Variants in STK33 observed in about 807,000 individuals in gnomAD.
STK33 encodes the protein serine/threonine-protein kinase 33.
Under a neutral mutation model 58.0 loss-of-function variants are expected in STK33, and 52 were observed. The ratio of observed to expected loss-of-function variants is 0.90; its 90% CI spans 0.72 to 1.13. The LOEUF (loss-of-function observed/expected upper bound fraction) is 1.13, where lower values mean the gene tolerates loss of function less well. Among genes scored for constraint, STK33 ranks in the 50% most tolerant of loss-of-function variants. STK33 has a pLI of 0.00. For synonymous variants in STK33, 215 were observed against 200.1 expected, an observed-to-expected ratio of 1.07 and a Z score of -0.63; for missense variants, 630 against 604.2, an observed-to-expected ratio of 1.04 and a Z score of -0.45.
At chr11:8,388,427 A>G (rs756958904), downstream of STK33, among the ~76,000 whole-genome samples, 16 of 152,290 alleles carry the variant, frequency 1.1e-4, no homozygotes, top group Non-Finnish European at 2.4e-4. Flanking sequence ...TGGCTCACCA[A>G]TGAGAATTAA....
chr11:8,383,300 G>A, the STK33 span, among the ~76,000 whole-genome samples: 1 of 152,210 alleles, frequency 6.6e-6, no homozygotes, highest in Non-Finnish European at 1.5e-5. Flanking sequence ...GGCAGCTGGA[G>A]AGGCCTTTAA....
chr11:8,474,506 C>A (rs558477192), intron 5 of STK33, 175 bp downstream of exon 5: 4 of 482,724 alleles, frequency 8.3e-6, no homozygotes, highest in African/African-American at 6.0e-5. Flanking sequence ...TTTGAAACAT[C>A]ATATAACAAG....
intron 14 of STK33, among the ~76,000 whole-genome samples, chr11:8,425,841 G>A (rs1156576874): frequency 6.6e-6 from 1 of 152,136 alleles, no homozygotes; most frequent in Non-Finnish European, 1.5e-5. Context: ...ATGCAGTGGG[G>A]GGTGTGGCTC....
chr11:8,432,741 G>A (rs1464068956), intron 14 of STK33, among the ~76,000 whole-genome samples: 1 of 152,156 alleles, frequency 6.6e-6, no homozygotes, highest in South Asian at 2.1e-4. Flanking sequence ...TCAAACAGGG[G>A]ATATGAATCA....
chr11:8,361,804 G>C, the STK33 span, among the ~76,000 whole-genome samples: 7 of 152,324 alleles, frequency 4.6e-5, no homozygotes, highest in Non-Finnish European at 1.5e-5. The surrounding 1 kb of genome is among the most constrained non-coding windows in gnomAD (Gnocchi z 4.8). Flanking sequence ...CAGTGGCATG[G>C]AGGGGGTGTT....
chr11:8,520,697 A>G (rs1180602367), intron 1 of STK33, among the ~76,000 whole-genome samples: 2 of 151,428 alleles, frequency 1.3e-5, no homozygotes, highest in South Asian at 2.1e-4. Context: ...CTATATACCA[A>G]TAACAGACAA....
chr11:8,477,186 C>T lies in STK33; in HGVS notation c.-227+64G>A, dbSNP rs1219714333. On this transcript the variant is annotated intron_variant, in intron 3 of 15. Coordinates refer to ENST00000687296, the MANE Select transcript of STK33 (RefSeq NM_001352389.2). ...CACACACACACACACATACACATCT[C>T]TTATAAACACTTAACCTGGTTTTTC... 9 of 139,244 alleles carry T rather than the reference C, an allele frequency of 6.5e-5. No individual in the cohort carries two copies. The East Asian group carries it at 2.0e-3, about 31-fold the overall frequency. The allele number at this position is 139,244 out of a possible 1,614,324, so 8.6% of individuals were successfully genotyped here. A position where few individuals can be genotyped will look rare whatever the true frequency, so the allele number is the denominator to read the frequency against.
intron 1 of STK33, among the ~76,000 whole-genome samples, chr11:8,553,191 T>TC (rs1419213031): frequency 6.6e-5 from 5 of 75,400 alleles, no homozygotes; most frequent in South Asian, 4.4e-4. Flanking sequence ...TATATATATA[T>TC]ATATATGGTG....
the STK33 span, among the ~76,000 whole-genome samples, chr11:8,356,863 AC>A: frequency 2.6e-5 from 4 of 151,878 alleles, no homozygotes; most frequent in Non-Finnish European, 5.9e-5. Flanking sequence ...ACTCCGCATG[AC>A]CCCCAATGCC....
rs997985306 is a variant in STK33 at position 8,582,313 on chromosome 11, T to C, written c.-466+11770A>G. Among the ~76,000 whole-genome samples, 4 of 152,348 alleles carry C rather than the reference T, an allele frequency of 2.6e-5. No homozygotes were observed. The East Asian group carries it at 7.7e-4, about 29-fold the overall frequency. Reference sequence around the variant, plus strand: ...AACTAAAAAGTGTAATTCTCAATTATACAAAACAAATAGGTATTGTATTAG... The same window carrying C: ...AACTAAAAAGTGTAATTCTCAATTACACAAAACAAATAGGTATTGTATTAG... On this transcript the variant is annotated intron_variant, in intron 1 of 15. Coordinates refer to ENST00000687296, the MANE Select transcript of STK33 (RefSeq NM_001352389.2).
intron 1 of STK33, among the ~76,000 whole-genome samples, chr11:8,546,036 T>C (rs992282781): frequency 3.3e-5 from 5 of 152,220 alleles, no homozygotes; most frequent in African/African-American, 1.2e-4. Flanking sequence ...ACGATGGTAT[T>C]TGTGTATCTA....
At chr11:8,469,660 C>A (rs1489175270) in intron 6 of STK33, among the ~76,000 whole-genome samples, 1 of 152,212 alleles carries the variant, frequency 6.6e-6, no homozygotes, top group East Asian at 1.9e-4. Flanking sequence ...TCAGAGGAAT[C>A]ACTATCTGTG....
intron 15 of STK33, among the ~76,000 whole-genome samples, chr11:8,404,944 T>C (rs1590793426): frequency 6.6e-6 from 1 of 152,226 alleles, no homozygotes; most frequent in Non-Finnish European, 1.5e-5. Flanking sequence ...ATAGAGACCA[T>C]CCTGACTAAC....
At chr11:8,348,605 C>T in the STK33 span, among the ~76,000 whole-genome samples, 1 of 152,202 alleles carries the variant, frequency 6.6e-6, no homozygotes, top group African/African-American at 2.4e-5. Context: ...ACCATCTCAT[C>T]CTCCATTCTC....
the STK33 span, among the ~76,000 whole-genome samples, chr11:8,357,129 G>A: frequency 0.057 from 8,738 of 152,342 alleles, 300 homozygotes; most frequent in Non-Finnish European, 0.073. Flanking sequence ...TGGCTCCCAA[G>A]TTCTGAAATG....
intron 7 of STK33, among the ~76,000 whole-genome samples, chr11:8,463,127 T>C (rs1947770831): frequency 6.6e-6 from 1 of 152,180 alleles, no homozygotes; most frequent in African/African-American, 2.4e-5. Flanking sequence ...CATCATACTA[T>C]GCCCCACCCA....
downstream of STK33, among the ~76,000 whole-genome samples, chr11:8,389,427 T>C (rs1480867360): frequency 6.6e-6 from 1 of 152,206 alleles, no homozygotes; most frequent in Non-Finnish European, 1.5e-5. Flanking sequence ...TCAGCCTCTC[T>C]GGGCAGAGAC....
chr11:8,510,437 C>T (rs1446107088), intron 1 of STK33, among the ~76,000 whole-genome samples: 2 of 152,092 alleles, frequency 1.3e-5, no homozygotes, highest in African/African-American at 4.8e-5. Context: ...AATATTTTCT[C>T]CCACTCTGTG....
intron 9 of STK33, among the ~76,000 whole-genome samples, chr11:8,456,809 A>T (rs1367325990): frequency 6.6e-6 from 1 of 152,234 alleles, no homozygotes; most frequent in East Asian, 1.9e-4. Flanking sequence ...CAAAACCCCA[A>T]GAGTGAATCC....
Sources: allele counts gnomAD v4.1 joint callset (sites outside exome capture counted in the v4.1 genomes callset), GRCh38; gene constraint gnomAD v4.1.1; non-coding constraint Gnocchi (gnomAD v3.1); transcripts MANE v1.5; gene names NCBI Gene and HGNC (gene_info 2026-07-23, HGNC 2026-07-21).